Variants in ELP1 observed in about 807,000 individuals in gnomAD.
ELP1 encodes elongator acetyltransferase complex subunit 1.
Under a neutral mutation model 183.2 loss-of-function variants are expected in ELP1, and 131 were observed. That is an observed-to-expected ratio of 0.72 (90% CI 0.62 to 0.83). The LOEUF (loss-of-function observed/expected upper bound fraction) is 0.83, where lower values mean the gene tolerates loss of function less well. ELP1 is among the 40% of genes least tolerant of loss of function. The probability of loss-of-function intolerance (pLI) is 0.00; values close to 1 mark genes in which losing one functional copy is unlikely to be tolerated. For missense variants in ELP1, 1,550 were observed against 1,594.9 expected, an observed-to-expected ratio of 0.97 and a Z score of 0.48; for synonymous variants, 555 against 569.0, an observed-to-expected ratio of 0.98 and a Z score of 0.35.
intron 36 of ELP1, among the ~76,000 whole-genome samples, chr9:108,870,827 T>C (rs1827421384): frequency 6.6e-6 from 1 of 152,214 alleles, no homozygotes; most frequent in African/African-American, 2.4e-5. Flanking sequence ...GCACTGCTTC[T>C]TTTATGTAAT....
chr9:108,916,273 C>T lies in ELP1; in HGVS notation c.889G>A (p.Asp297Asn). 6.2e-7 allele frequency: 1 copy of T among 1,614,098 alleles called. No homozygotes were observed. Among genetic ancestry groups the T allele is most frequent in the Non-Finnish European group, 8.5e-7 (1 of 1,179,942 alleles). The change falls in exon 10 of 37, where the codon GAT becomes AAT. Residue 297 changes from aspartate to asparagine, a missense_variant. By Grantham distance (23) the Asp-to-Asn change is conservative (BLOSUM62 1). Coordinates refer to ENST00000374647, the MANE Select transcript of ELP1 (RefSeq NM_003640.5). ...VKVNDLLWNA[D>N]SSVLAVWLED... ...AGCCAGACTGCAAGCACAGAGGAATCTGCATTCCAGAGCAAGTCATTTACC... is the reference window on the plus strand; with the variant it reads ...AGCCAGACTGCAAGCACAGAGGAATTTGCATTCCAGAGCAAGTCATTTACC...
chr9:108,901,111 T>C (rs1587896469), intron 18 of ELP1, among the ~76,000 whole-genome samples: 1 of 152,036 alleles, frequency 6.6e-6, no homozygotes, highest in Admixed American at 6.6e-5. Flanking sequence ...AGGTAAAACA[T>C]TGGGGATCTA....
At position 108,891,314 on chromosome 9, in the gene ELP1, T is replaced by G. The variant is rs770211449; in HGVS notation, c.3049A>C (p.Lys1017Gln). 6 of 1,614,150 alleles carry G rather than the reference T, an allele frequency of 3.7e-6. No homozygotes were observed. Among genetic ancestry groups the G allele is most frequent in the Non-Finnish European group, 5.1e-6 (6 of 1,180,022 alleles). The change falls in exon 28 of 37, where the codon AAA (lysine) becomes CAA (glutamine). Residue 1017 changes from lysine (K) to glutamine (Q), a missense_variant. Transcript: ENST00000374647. Reference sequence around the variant, plus strand: ...CATGTCAGAAAGGCTGAGAGAGCTTTCTCGTGGGCACCGCAACGGGCAAAC... The same window carrying G: ...CATGTCAGAAAGGCTGAGAGAGCTTGCTCGTGGGCACCGCAACGGGCAAAC... Reference protein sequence around the residue: ...LMFARCGAHEKALSAFLTCGN... With the variant: ...LMFARCGAHEQALSAFLTCGN...
At chr9:108,914,418 G>T (rs1210234470) in intron 10 of ELP1, among the ~76,000 whole-genome samples, 2 of 140,824 alleles carry the variant, frequency 1.4e-5, no homozygotes, top group African/African-American at 2.6e-5. Context: ...AAAAAAGGGG[G>T]GGGGGGTTCT....
At position 108,916,264 on chromosome 9, in the gene ELP1, C is replaced by T. The variant is rs548158784; in HGVS notation, c.898G>A (p.Val300Met). ...AGGTCTTCCAGCCAGACTGCAAGCA[C>T]AGAGGAATCTGCATTCCAGAGCAAG... The part of the protein sequence containing the change: ...NDLLWNADSS[V>M]LAVWLEDLQR... The change falls in exon 10 of 37, where the codon GTG (valine) becomes ATG (methionine). Residue 300 changes from valine to methionine, a missense_variant. Coordinates refer to ENST00000374647, the MANE Select transcript of ELP1 (RefSeq NM_003640.5). The T allele has an allele frequency of 1.1e-5, 17 of 1,614,148 alleles. No individual in the cohort carries two copies. In the East Asian group the frequency reaches 3.8e-4, roughly 36 times the overall value.
At position 108,931,119 on chromosome 9, in the gene ELP1, G is replaced by A. The variant is rs2132053050; in HGVS notation, c.28C>T (p.Leu10=). The A allele has an allele frequency of 6.2e-7, 1 of 1,614,156 alleles. No individual in the cohort carries two copies. ...GGACCTTGAATATCCCTGAACTCCA[G>A]GGTCCGAAATAATTTCAGATTTCGC... The part of the protein sequence containing the change: MRNLKLFRT[L]EFRDIQGPGN... The change falls in exon 2 of 37, where the codon CTG becomes TTG. Residue 10 remains leucine, a synonymous_variant. Transcript: ENST00000374647.
At chr9:108,912,556 C>T (rs2132017293) in intron 10 of ELP1, 62 bp from the exon 11 acceptor site, 1 of 1,190,346 alleles carries the variant, frequency 8.4e-7, no homozygotes, top group East Asian at 2.3e-5. Flanking sequence ...TCCCACTTGC[C>T]AGAGGGGTTC....
At chr9:108,909,882 A>C (rs2132010920) in intron 12 of ELP1, among the ~76,000 whole-genome samples, 1 of 152,338 alleles carries the variant, frequency 6.6e-6, no homozygotes, top group Admixed American at 6.5e-5. Flanking sequence ...CTGAGGAGAT[A>C]AAAACGTCCT....
intron 9 of ELP1, 150 bp downstream of exon 9, chr9:108,917,397 G>A: frequency 5.7e-6 from 4 of 699,422 alleles, no homozygotes; most frequent in Non-Finnish European, 9.6e-6. Context: ...AACCTAGGAG[G>A]CGGAGGTTGC....
intron 2 of ELP1, 26 bp downstream of exon 2, chr9:108,930,971 G>A (rs1171039273): frequency 6.2e-7 from 1 of 1,612,764 alleles, no homozygotes; most frequent in African/African-American, 1.3e-5. Flanking sequence ...ATACCCACAT[G>A]CTGGCATTCT....
rs1564081993 is a variant in ELP1 at position 108,894,016 on chromosome 9, A to G, written c.2787T>C (p.Thr929=). 1 of 1,591,508 alleles carries G rather than the reference A, an allele frequency of 6.3e-7. No homozygotes were observed. The highest frequency in any genetic ancestry group is 8.6e-7 in the Non-Finnish European group (1 of 1,159,690). Residue 929 remains threonine (T), a synonymous_variant, in exon 26 of 37, where the codon ACT becomes ACC. Transcript: ENST00000374647. The part of the protein sequence containing the change: ...PFLNTLKKME[T]NYQRFTIDKY... ...TGTCTATAGTAAACCGCTGATAATT[A>G]GTTTCCATTTTCTTAAGTGTATTAA...
At chr9:108,878,776 T>G (rs1470324105) in intron 33 of ELP1, 26 bp from the exon 34 acceptor site, 1 of 1,612,590 alleles carries the variant, frequency 6.2e-7, no homozygotes, top group African/African-American at 1.3e-5. Flanking sequence ...CAGATATTTT[T>G]AAGCCTCCTG....
intron 14 of ELP1, 56 bp from the exon 15 acceptor site, chr9:108,903,725 A>G: frequency 8.1e-7 from 1 of 1,237,496 alleles, no homozygotes; most frequent in East Asian, 2.3e-5. Context: ...AAAAATAGTG[A>G]CATTTCACTG....
intron 10 of ELP1, among the ~76,000 whole-genome samples, chr9:108,914,840 T>C (rs1772042): frequency 0.57 from 87,046 of 151,884 alleles, 25,211 homozygotes; most frequent in South Asian, 0.7. Flanking sequence ...TTAGCCAGGA[T>C]GGTCTCGATC....
chr9:108,912,134 TA>T, intron 11 of ELP1, 129 bp downstream of exon 11: 3 of 761,740 alleles, frequency 3.9e-6, no homozygotes, highest in Admixed American at 2.0e-5. Flanking sequence ...TCCCATTCAA[TA>T]AAAAAACAAG....
chr9:108,895,037 A>C (rs1215658083), intron 25 of ELP1, among the ~76,000 whole-genome samples: 6 of 152,116 alleles, frequency 3.9e-5, no homozygotes, highest in African/African-American at 1.4e-4. Flanking sequence ...GCTTCAGCTC[A>C]CAAGTTTGAG....
chr9:108,900,471 G>A (rs1447998038), intron 18 of ELP1, 96 bp from the exon 19 acceptor site: 1 of 886,522 alleles, frequency 1.1e-6, no homozygotes, highest in Admixed American at 1.9e-5. Flanking sequence ...AAATAGAAGA[G>A]AACAAATAAC....
At chr9:108,872,396 G>A (rs1409976962) in intron 36 of ELP1, among the ~76,000 whole-genome samples, 1 of 152,028 alleles carries the variant, frequency 6.6e-6, no homozygotes, top group Non-Finnish European at 1.5e-5. Context: ...CCACTAAATG[G>A]TGCCATAAAG....
At chr9:108,921,986 A>G (rs1413657857) in intron 6 of ELP1, among the ~76,000 whole-genome samples, 2 of 152,150 alleles carry the variant, frequency 1.3e-5, no homozygotes, top group African/African-American at 2.4e-5. Flanking sequence ...TACAGAGAAT[A>G]CTGAGGCTCA....
Sources: gnomAD v4.1 joint callset for allele counts (sites outside exome capture counted in the v4.1 genomes callset) on GRCh38, gnomAD v4.1.1 for gene constraint, MANE v1.5 for transcripts, NCBI Gene and HGNC (gene_info 2026-07-23, HGNC 2026-07-21) for gene names.